Variants in PKP4 observed in about 807,000 individuals in gnomAD.
PKP4 encodes the protein plakophilin-4.
In PKP4, 90 loss-of-function variants were observed where a neutral mutation model predicts 145.1. The observed-to-expected ratio is 0.62, with a 90% CI of 0.52 to 0.74. PKP4 has a LOEUF of 0.74. Among genes scored for constraint, PKP4 ranks in the 30% least tolerant of loss-of-function variants. The pLI, the probability that PKP4 is intolerant of heterozygous loss-of-function variation, is 0.00. For missense variants in PKP4, 1,340 were observed against 1,482.7 expected, an observed-to-expected ratio of 0.90 and a Z score of 1.58; for synonymous variants, 563 against 577.2, an observed-to-expected ratio of 0.98 and a Z score of 0.35.
At position 158,490,328 on chromosome 2, in the gene PKP4, A is replaced by G. The variant is rs78285216; in HGVS notation, c.-6+33110A>G. Among the ~76,000 whole-genome samples, 587 of 151,230 alleles carry G rather than the reference A, an allele frequency of 3.9e-3. 4 individuals are homozygous for G. Among genetic ancestry groups the G allele is most frequent in the African/African-American group, 0.013 (552 of 41,238 alleles). The stretch of plus-strand genomic sequence containing the variant: ...TAAGCTCTGGTACCTCCCTGATAAC[A>G]GACCTGGTCACCAAATTGATTTAAA... On this transcript the variant is annotated intron_variant, in intron 1 of 21. Coordinates refer to ENST00000389759, the MANE Select transcript of PKP4 (RefSeq NM_003628.6).
chr2:158,549,309 G>A (rs2045377674), intron 2 of PKP4: 2 of 152,220 alleles, frequency 1.3e-5, no homozygotes, highest in South Asian at 4.1e-4. Flanking sequence ...TTATCAGAAT[G>A]GTACTTTTAC....
At chr2:158,562,706 A>T (rs2046639879) in intron 2 of PKP4, among the ~76,000 whole-genome samples, 1 of 152,228 alleles carries the variant, frequency 6.6e-6, no homozygotes, top group Non-Finnish European at 1.5e-5. Flanking sequence ...TTGAATACCT[A>T]ATCAAAATTA....
At chr2:158,669,025 C>T (rs2057349929) in intron 16 of PKP4, 1 of 152,148 alleles carries the variant, frequency 6.6e-6, no homozygotes, top group African/African-American at 2.4e-5. Flanking sequence ...TAAAGAAATA[C>T]CTCAATAACT....
intron 1 of PKP4, among the ~76,000 whole-genome samples, chr2:158,479,442 T>C (rs1559198656): frequency 6.6e-6 from 1 of 152,188 alleles, no homozygotes; most frequent in Admixed American, 6.5e-5. Flanking sequence ...CAGGCTGGTC[T>C]TGAAATCCTG....
intron 1 of PKP4, among the ~76,000 whole-genome samples, chr2:158,458,569 T>G (rs991755201): frequency 2.0e-5 from 3 of 152,330 alleles, no homozygotes; most frequent in African/African-American, 7.2e-5. Context: ...ACAGGGGGCC[T>G]GAAGGTTGTT....
chr2:158,545,844 A>G (rs2044983806), intron 2 of PKP4, among the ~76,000 whole-genome samples: 1 of 152,206 alleles, frequency 6.6e-6, no homozygotes, highest in South Asian at 2.1e-4. Flanking sequence ...TGTAATTTCT[A>G]AGACTCAATT....
chr2:158,597,509 A>G (rs979566532), intron 3 of PKP4, among the ~76,000 whole-genome samples: 3 of 152,176 alleles, frequency 2.0e-5, no homozygotes, highest in Non-Finnish European at 4.4e-5. Context: ...ATAGAGATAA[A>G]TTATTGGGTA....
chr2:158,551,721 C>T (rs1173335830), intron 2 of PKP4, among the ~76,000 whole-genome samples: 1 of 152,140 alleles, frequency 6.6e-6, no homozygotes, highest in East Asian at 1.9e-4. Flanking sequence ...GTACCATCAA[C>T]CTCATTTTTA....
intron 3 of PKP4, among the ~76,000 whole-genome samples, chr2:158,590,298 G>A (rs1257435309): frequency 7.0e-6 from 1 of 142,700 alleles, no homozygotes; most frequent in African/African-American, 2.6e-5. Flanking sequence ...TATAATCCAA[G>A]GAGGAATGTC....
chr2:158,540,475 G>A (rs1044978844), intron 2 of PKP4, among the ~76,000 whole-genome samples: 15 of 152,192 alleles, frequency 9.9e-5, no homozygotes, highest in African/African-American at 3.4e-4. Context: ...AAAGCACTTT[G>A]TCAAGGAATG....
intron 9 of PKP4, 39 bp from the exon 10 acceptor site, chr2:158,640,588 A>T (rs79575572): frequency 1.2e-6 from 2 of 1,608,090 alleles, no homozygotes. Context: ...TTTTTACAAC[A>T]TGGGCCTTCC....
At chr2:158,624,793 G>C in intron 6 of PKP4, 85 bp from the exon 7 acceptor site, 2 of 1,015,454 alleles carry the variant, frequency 2.0e-6, no homozygotes, top group Non-Finnish European at 2.9e-6. Flanking sequence ...ACATTCTGTA[G>C]TGAGCTATGT....
chr2:158,517,765 T>A lies in PKP4; in HGVS notation c.-5-15415T>A, dbSNP rs1332700140. ...CACCCCGACTCTACAAAAAAAAAAA[T>A]GAAAATTAGCTCAGTGGTGTCGTGC... On this transcript the variant is annotated intron_variant, in intron 1 of 21. Transcript: ENST00000389759. 4.2e-5 allele frequency among the ~76,000 whole-genome samples: 6 copies of A among 144,278 alleles called. No homozygotes were observed. The East Asian group carries it at 1.2e-3, about 29-fold the overall frequency. The allele number at this position is 144,278 out of a possible 152,430, so 94.7% of individuals were successfully genotyped here.
At chr2:158,509,819 T>G (rs2041333941) in intron 1 of PKP4, among the ~76,000 whole-genome samples, 1 of 151,978 alleles carries the variant, frequency 6.6e-6, no homozygotes, top group Admixed American at 6.6e-5. Flanking sequence ...TGGTGGCACA[T>G]GCCTGTAATC....
chr2:158,633,898 AAACTT>A (rs2053601159), intron 8 of PKP4, among the ~76,000 whole-genome samples, 167 bp from the exon 9 acceptor site: 1 of 152,346 alleles, frequency 6.6e-6, no homozygotes, highest in Admixed American at 6.5e-5. Context: ...TGTACATTAA[AAACTT>A]AAGTACCCTT....
chr2:158,644,503 A>C (rs1429658981), intron 11 of PKP4, among the ~76,000 whole-genome samples: 3 of 152,262 alleles, frequency 2.0e-5, no homozygotes, highest in Admixed American at 6.5e-5. Flanking sequence ...CATTGACAAA[A>C]GAATGGTTAC....
intron 1 of PKP4, among the ~76,000 whole-genome samples, chr2:158,500,973 A>G (rs1467571258): frequency 6.6e-6 from 1 of 152,148 alleles, no homozygotes; most frequent in African/African-American, 2.4e-5. Flanking sequence ...CCGTTCTTAT[A>G]GAGCAGTTAC....
intron 3 of PKP4, among the ~76,000 whole-genome samples, chr2:158,598,349 C>T (rs1014725261): frequency 1.3e-5 from 2 of 152,158 alleles, no homozygotes; most frequent in Non-Finnish European, 2.9e-5. Context: ...TGGCTCCATC[C>T]AGTTCTCTAC....
chr2:158,457,191 C>A lies in PKP4; in HGVS notation c.-33C>A, dbSNP rs1290188301. 6.6e-6 allele frequency: 1 copy of A among 151,708 alleles called. No individual in the cohort carries two copies. The highest frequency in any genetic ancestry group is 2.0e-4 in the East Asian group (1 of 5,100). 9.4% of individuals were successfully genotyped at this position (151,708 alleles called of 1,614,324 possible). A position where few individuals can be genotyped will look rare whatever the true frequency, so the allele number is the denominator to read the frequency against. ...GCGCCGATGTCCCTGATCCCTGGAG[C>A]GACGACGGCCGCTGCCTAAGCTGGA... On this transcript the variant is annotated 5_prime_UTR_variant, in exon 1 of 22. Transcript: ENST00000389759.
Sources: gnomAD v4.1 joint callset for allele counts (sites outside exome capture counted in the v4.1 genomes callset) on GRCh38, gnomAD v4.1.1 for gene constraint, MANE v1.5 for transcripts, NCBI Gene and HGNC (gene_info 2026-07-23, HGNC 2026-07-21) for gene names.